The following IMMP2L variants were observed in gnomAD, a reference collection of about 807,000 sequenced individuals.
The protein encoded by IMMP2L is mitochondrial inner membrane protease subunit 2.
In IMMP2L, 18 loss-of-function variants were observed where a neutral mutation model predicts 19.3. The observed-to-expected ratio is 0.93, with a 90% CI of 0.64 to 1.38. The LOEUF is 1.38. IMMP2L is among the 40% of genes most tolerant of loss of function. The pLI, the probability that IMMP2L is intolerant of heterozygous loss-of-function variation, is 0.00. For missense variants in IMMP2L, 233 were observed against 218.2 expected, an observed-to-expected ratio of 1.07 and a Z score of -0.43; for synonymous variants, 76 against 73.0, an observed-to-expected ratio of 1.04 and a Z score of -0.21.
intron 3 of IMMP2L, among the ~76,000 whole-genome samples, chr7:111,046,849 C>G (rs1026497796): frequency 6.6e-6 from 1 of 152,150 alleles, no homozygotes; most frequent in African/African-American, 2.4e-5. Flanking sequence ...ATTCACGGAG[C>G]AATGACTGAG....
intron 3 of IMMP2L, among the ~76,000 whole-genome samples, chr7:111,452,676 G>T (rs1037910756): frequency 6.6e-6 from 1 of 152,028 alleles, no homozygotes; most frequent in African/African-American, 2.4e-5. Flanking sequence ...CTGTGGGGAG[G>T]TCCAACTTCC....
At position 111,539,204 on chromosome 7, in the gene IMMP2L, A is replaced by AGGAAGGAAGGAAGGAAGG. The variant is rs879777334; in HGVS notation, c.-2-17756_-2-17755insCCTTCCTTCCTTCCTTCC. Among the ~76,000 whole-genome samples, 9 of 33,998 alleles carry AGGAAGGAAGGAAGGAAGG rather than the reference A, an allele frequency of 2.6e-4. 2 individuals carry two copies. The highest frequency in any genetic ancestry group is 1.0e-3 in the East Asian group (1 of 978). 22.3% of individuals were successfully genotyped at this position (33,998 alleles called of 152,430 possible). A position where few individuals can be genotyped will look rare whatever the true frequency, so the allele number is the denominator to read the frequency against. On this transcript the variant is annotated intron_variant, in intron 1 of 5. Coordinates refer to ENST00000405709, the MANE Select transcript of IMMP2L (RefSeq NM_032549.4). Reference sequence around the variant, plus strand: ...GGAAGGAAGGAAGGAGGGAGAAAGAAAGAAAGAAAGAAAGAAAGAAAGAAA... The same window carrying AGGAAGGAAGGAAGGAAGG: ...GGAAGGAAGGAAGGAGGGAGAAAGAAGGAAGGAAGGAAGGAAGGAGAAAGAAAGAAAGAAAGAAAGAAA...
At chr7:111,514,971 T>C (rs552716780) in intron 2 of IMMP2L, among the ~76,000 whole-genome samples, 2 of 152,262 alleles carry the variant, frequency 1.3e-5, no homozygotes, top group African/African-American at 4.8e-5. Context: ...TGTTGCTTTC[T>C]GCTATTTTCA....
intron 3 of IMMP2L, among the ~76,000 whole-genome samples, chr7:111,016,178 T>C (rs777617185): frequency 6.6e-6 from 1 of 151,796 alleles, no homozygotes; most frequent in Non-Finnish European, 1.5e-5. Flanking sequence ...TATCTCAACA[T>C]CTAAAATTAA....
At chr7:111,035,490 T>C (rs1025402086) in intron 3 of IMMP2L, among the ~76,000 whole-genome samples, 2 of 152,148 alleles carry the variant, frequency 1.3e-5, no homozygotes, top group African/African-American at 2.4e-5. Context: ...CTGCAATAAA[T>C]AGTGATTGCT....
intron 5 of IMMP2L, among the ~76,000 whole-genome samples, chr7:110,697,683 A>G (rs1226976652): frequency 6.6e-6 from 1 of 152,078 alleles, no homozygotes; most frequent in Non-Finnish European, 1.5e-5. Flanking sequence ...AGTCCCAGTT[A>G]TTTGGGAGGC....
intron 5 of IMMP2L, among the ~76,000 whole-genome samples, chr7:110,813,666 T>C (rs986639239): frequency 6.6e-6 from 1 of 151,890 alleles, no homozygotes. Context: ...GGTGGAAGGA[T>C]GTTAACTGTA....
chr7:110,777,694 T>C (rs987983756), intron 5 of IMMP2L, among the ~76,000 whole-genome samples: 5 of 151,990 alleles, frequency 3.3e-5, no homozygotes, highest in Non-Finnish European at 7.4e-5. Flanking sequence ...TATGTGTTAT[T>C]CTGAGGATCT....
chr7:110,961,589 G>A (rs1277048684), intron 4 of IMMP2L, among the ~76,000 whole-genome samples: 2 of 151,434 alleles, frequency 1.3e-5, no homozygotes, highest in South Asian at 2.1e-4. Context: ...TCCACCAAAA[G>A]ACCCAGATGT....
chr7:111,385,656 C>T (rs926689070), intron 3 of IMMP2L, among the ~76,000 whole-genome samples: 9 of 152,048 alleles, frequency 5.9e-5, no homozygotes, highest in African/African-American at 2.2e-4. Context: ...ACCATATAAA[C>T]GTCATTTTAC....
At chr7:110,780,464 T>C (rs1480435759) in intron 5 of IMMP2L, among the ~76,000 whole-genome samples, 3 of 151,774 alleles carry the variant, frequency 2.0e-5, no homozygotes, top group Non-Finnish European at 4.4e-5. Flanking sequence ...TTCCCACATA[T>C]AAACTGAGAG....
chr7:111,427,819 C>T (rs1836235290), intron 3 of IMMP2L, among the ~76,000 whole-genome samples: 1 of 151,902 alleles, frequency 6.6e-6, no homozygotes, highest in East Asian at 1.9e-4. Flanking sequence ...ATAGTTACAT[C>T]TTTAATGTCA....
chr7:111,003,600 C>T (rs952872215), intron 3 of IMMP2L, among the ~76,000 whole-genome samples: 1 of 151,990 alleles, frequency 6.6e-6, no homozygotes, highest in African/African-American at 2.4e-5. Context: ...CAGCCTCGAT[C>T]TCCTGGGCTC....
chr7:110,811,529 T>C (rs1802036640), intron 5 of IMMP2L, among the ~76,000 whole-genome samples: 1 of 152,070 alleles, frequency 6.6e-6, no homozygotes, highest in Non-Finnish European at 1.5e-5. Flanking sequence ...CAACTTTCCC[T>C]TTTCTTTTTT....
chr7:111,334,193 A>G (rs558835565), intron 3 of IMMP2L, among the ~76,000 whole-genome samples: 3 of 151,848 alleles, frequency 2.0e-5, no homozygotes, highest in Admixed American at 2.0e-4. Flanking sequence ...ATATATATAT[A>G]TATTTCCCCC....
chr7:111,493,893 G>C (rs1452678081), intron 2 of IMMP2L, among the ~76,000 whole-genome samples: 5 of 151,202 alleles, frequency 3.3e-5, no homozygotes, highest in Non-Finnish European at 7.4e-5. Context: ...CCAGCTACTC[G>C]GGAGGCTGAG....
intron 3 of IMMP2L, among the ~76,000 whole-genome samples, chr7:111,287,574 T>C (rs1160785027): frequency 2.0e-5 from 3 of 151,370 alleles, no homozygotes; most frequent in Non-Finnish European, 2.9e-5. Flanking sequence ...ACAAACAAAA[T>C]ATACTTTAAA....
At chr7:111,182,451 C>T (rs766340780) in intron 3 of IMMP2L, among the ~76,000 whole-genome samples, 1 of 151,896 alleles carries the variant, frequency 6.6e-6, no homozygotes, top group African/African-American at 2.4e-5. Flanking sequence ...ATGCATTCCA[C>T]TCAAAAGAAT....
At chr7:111,328,945 A>G (rs756163892) in intron 3 of IMMP2L, among the ~76,000 whole-genome samples, 3 of 151,064 alleles carry the variant, frequency 2.0e-5, no homozygotes, top group African/African-American at 2.4e-5. Context: ...TAACACAGAG[A>G]AAAAAAAAGC....
Sources: gnomAD v4.1 joint callset for allele counts (sites outside exome capture counted in the v4.1 genomes callset) on GRCh38, gnomAD v4.1.1 for gene constraint, MANE v1.5 for transcripts, NCBI Gene and HGNC (gene_info 2026-07-23, HGNC 2026-07-21) for gene names.